The following OTUD7A variants were observed in gnomAD, a reference collection of about 807,000 sequenced individuals.
OTUD7A encodes the protein OTU domain-containing protein 7A.
In OTUD7A, 12 loss-of-function variants were observed where a neutral mutation model predicts 65.7. The observed-to-expected ratio is 0.18, with a 90% confidence interval of 0.12 to 0.30. The LOEUF is 0.30. OTUD7A is among the 10% of genes least tolerant of loss of function. OTUD7A has a pLI of 1.00. For missense variants in OTUD7A, 1,148 were observed against 1,304.8 expected (o/e 0.88, Z 1.85); for synonymous variants, 641 against 586.3 (o/e 1.09, Z -1.35).
chr15:31,791,742 C>T (rs918489709), intron 1 of OTUD7A, among the ~76,000 whole-genome samples: 2 of 152,144 alleles, frequency 1.3e-5, no homozygotes, highest in African/African-American at 4.8e-5. Context: ...CCCCCTCCCT[C>T]CTTCTGAAAC....
chr15:31,595,034 T>C (rs542207413), intron 3 of OTUD7A, among the ~76,000 whole-genome samples: 143 of 152,318 alleles, frequency 9.4e-4, no homozygotes, highest in African/African-American at 3.4e-3. Context: ...AACAGTTCCC[T>C]AATAAGATGA....
At chr15:31,752,768 G>C (rs1384931650) in intron 1 of OTUD7A, among the ~76,000 whole-genome samples, 1 of 151,920 alleles carries the variant, frequency 6.6e-6, no homozygotes, top group African/African-American at 2.4e-5. Context: ...GGTATTAATT[G>C]TTTTAACTGA....
intron 1 of OTUD7A, among the ~76,000 whole-genome samples, chr15:31,691,153 T>A (rs1463090206): frequency 6.6e-6 from 1 of 152,200 alleles, no homozygotes; most frequent in Non-Finnish European, 1.5e-5. Flanking sequence ...ATTGTTAAAA[T>A]GTCTATATTA....
At chr15:31,547,312 A>T (rs963652751) in intron 5 of OTUD7A, among the ~76,000 whole-genome samples, 5 of 152,216 alleles carry the variant, frequency 3.3e-5, no homozygotes, top group African/African-American at 1.2e-4. Context: ...ACAACATAAA[A>T]CTGTGACTAC....
Position 31,635,784 on chromosome 15 carries a change from G to A in OTUD7A, c.151+19312C>T, listed in dbSNP as rs139279187. 2.0e-3 allele frequency among the ~76,000 whole-genome samples: 307 copies of A among 152,332 alleles called. 1 individual carries two copies. Among genetic ancestry groups the A allele is most frequent in the African/African-American group, 7.0e-3 (293 of 41,566 alleles). ...AAACTGTCTTGTTAATTCACTTCAG[G>A]CTGCCCAGTTTTTGTAGGGACAGCT... On this transcript the variant is annotated intron_variant, in intron 3 of 12. Transcript: ENST00000307050.
At chr15:31,803,936 A>G (rs1480499469) in intron 1 of OTUD7A, among the ~76,000 whole-genome samples, 4 of 152,114 alleles carry the variant, frequency 2.6e-5, no homozygotes, top group Non-Finnish European at 5.9e-5. Flanking sequence ...TTCCTTCCCC[A>G]TGGTTTCAGA....
At chr15:31,534,502 T>G (rs1283514327) in intron 5 of OTUD7A, among the ~76,000 whole-genome samples, 2 of 152,184 alleles carry the variant, frequency 1.3e-5, no homozygotes, top group Non-Finnish European at 2.9e-5. Flanking sequence ...AAGACAAAGA[T>G]GCGCCCTCTC....
chr15:31,595,440 T>G (rs991641361), intron 3 of OTUD7A, among the ~76,000 whole-genome samples: 3 of 152,236 alleles, frequency 2.0e-5, no homozygotes, highest in African/African-American at 7.2e-5. Flanking sequence ...CATGGTAGAA[T>G]GAATGCCCAG....
chr15:31,777,850 T>C (rs1440044875), intron 1 of OTUD7A, among the ~76,000 whole-genome samples: 5 of 152,158 alleles, frequency 3.3e-5, no homozygotes. Flanking sequence ...AGGGGGCAGC[T>C]GCAGAATTGA....
At chr15:31,848,662 G>C (rs1897345711) in intron 1 of OTUD7A, among the ~76,000 whole-genome samples, 1 of 152,102 alleles carries the variant, frequency 6.6e-6, no homozygotes, top group South Asian at 2.1e-4. Flanking sequence ...CATATCCAAT[G>C]CTTTGTATTT....
At position 31,817,362 on chromosome 15, in the gene OTUD7A, T is replaced by A. The variant is rs1896577596; in HGVS notation, c.-100+53145A>T. ...GTGGTCAGGACTGATTAAAAATAAC[T>A]CCATTCTAAGGAAGGAGATGCCCTT... On this transcript the variant is annotated intron_variant, in intron 1 of 12. Transcript: ENST00000307050. 2.0e-5 allele frequency among the ~76,000 whole-genome samples: 3 copies of A among 149,814 alleles called. No individual in the cohort carries two copies. The South Asian group carries it at 6.3e-4, about 32-fold the overall frequency.
intron 1 of OTUD7A, among the ~76,000 whole-genome samples, chr15:31,823,541 T>C (rs190867054): frequency 8.3e-4 from 126 of 152,316 alleles, no homozygotes; most frequent in African/African-American, 2.9e-3. Context: ...TAAATATCCT[T>C]ACAGCAAAGA....
chr15:31,673,973 CA>C (rs1183307661), intron 1 of OTUD7A, among the ~76,000 whole-genome samples: 1 of 152,130 alleles, frequency 6.6e-6, no homozygotes, highest in East Asian at 1.9e-4. Context: ...AATAAATGAA[CA>C]AAAGGAAACT....
intron 1 of OTUD7A, among the ~76,000 whole-genome samples, chr15:31,738,186 C>G (rs576828321): frequency 6.6e-6 from 1 of 151,742 alleles, no homozygotes; most frequent in Admixed American, 6.6e-5. Context: ...ACAGCAAAGA[C>G]AGAAGAACTT....
chr15:31,737,280 C>A (rs1465314617), intron 1 of OTUD7A, among the ~76,000 whole-genome samples: 3 of 152,116 alleles, frequency 2.0e-5, no homozygotes, highest in African/African-American at 7.2e-5. Flanking sequence ...GCCCTCTAAA[C>A]AAAGAACTGC....
At chr15:31,846,498 A>G (rs1293243169) in intron 1 of OTUD7A, among the ~76,000 whole-genome samples, 1 of 152,170 alleles carries the variant, frequency 6.6e-6, no homozygotes, top group African/African-American at 2.4e-5. Flanking sequence ...AACTCTGACA[A>G]TGGAATAAGA....
At chr15:31,546,617 G>C (rs1179687963) in intron 5 of OTUD7A, among the ~76,000 whole-genome samples, 2 of 152,158 alleles carry the variant, frequency 1.3e-5, no homozygotes, top group Non-Finnish European at 2.9e-5. Flanking sequence ...CTTGATCTGG[G>C]ACTTCTAGCC....
intron 1 of OTUD7A, among the ~76,000 whole-genome samples, chr15:31,761,841 T>C (rs1239070122): frequency 6.6e-6 from 1 of 152,154 alleles, no homozygotes; most frequent in Admixed American, 6.5e-5. Flanking sequence ...AGGAAGGAAG[T>C]ACTGGTACTT....
chr15:31,600,172 C>CCCCAAGACACATAAT (rs1890032724), intron 3 of OTUD7A, among the ~76,000 whole-genome samples: 1 of 152,156 alleles, frequency 6.6e-6, no homozygotes, highest in Non-Finnish European at 1.5e-5. Context: ...AGAAGAGCAT[C>CCCCAAGACACATAAT]CCCAAGACAC....
Sources: gnomAD v4.1 joint callset for allele counts (sites outside exome capture counted in the v4.1 genomes callset) on GRCh38, gnomAD v4.1.1 for gene constraint, MANE v1.5 for transcripts, NCBI Gene and HGNC (gene_info 2026-07-23, HGNC 2026-07-21) for gene names.